XRCC1: variants seen among roughly 807,000 people sequenced by gnomAD.
The protein encoded by XRCC1 is DNA repair protein XRCC1.
Under a neutral mutation model 83.3 loss-of-function variants are expected in XRCC1, and 52 were observed. The ratio of observed to expected loss-of-function variants is 0.62; its 90% confidence interval spans 0.50 to 0.79. The LOEUF (loss-of-function observed/expected upper bound fraction) is 0.79. Ranked by LOEUF, XRCC1 falls within the 30% of genes least tolerant of loss-of-function variation. XRCC1 has a pLI of 0.00. For missense variants in XRCC1, 793 were observed against 823.5 expected, an observed-to-expected ratio of 0.96 and a Z score of 0.45; for synonymous variants, 281 against 312.6, an observed-to-expected ratio of 0.90 and a Z score of 1.07.
intron 8 of XRCC1, 92 bp downstream of exon 8, chr19:43,552,705 C>A: frequency 7.9e-7 from 1 of 1,262,370 alleles, no homozygotes. Flanking sequence ...AGCCCTTCCT[C>A]CCTCAGATTC....
chr19:43,552,377 C>T (rs1262886190), intron 8 of XRCC1, 102 bp from the exon 9 acceptor site: 47 of 875,530 alleles, frequency 5.4e-5, no homozygotes, highest in Non-Finnish European at 7.1e-5. Flanking sequence ...CCTCCTCCCT[C>T]AGACCCAGCA....
At chr19:43,567,206 T>C (rs1568518241) in intron 2 of XRCC1, among the ~76,000 whole-genome samples, 1 of 151,968 alleles carries the variant, frequency 6.6e-6, no homozygotes, top group South Asian at 2.1e-4. Context: ...GGTTTCTTTT[T>C]GGAGTGATGA....
At position 43,574,852 on chromosome 19, in the gene XRCC1, A is replaced by G. The variant is rs1972838282; in HGVS notation, c.144+58T>C. ...CCACTGCCAGTTGGCTCAGGAGCAG[A>G]ATCTGGAACCCCGGACTCCAGACTC... On this transcript the variant is annotated intron_variant, in intron 2 of 16. Coordinates refer to ENST00000262887, the MANE Select transcript of XRCC1 (RefSeq NM_006297.3). 1.0e-5 allele frequency: 15 copies of G among 1,452,326 alleles called. No homozygotes were observed. The South Asian group carries it at 1.1e-4, about 11-fold the overall frequency. 90.0% of individuals were successfully genotyped at this position (1,452,326 alleles called of 1,614,324 possible).
intron 2 of XRCC1, among the ~76,000 whole-genome samples, chr19:43,573,948 TA>T (rs1328460538): frequency 6.6e-6 from 1 of 152,134 alleles, no homozygotes; most frequent in Non-Finnish European, 1.5e-5. Context: ...TCCTCATCTG[TA>T]AAAGTGGGGA....
chr19:43,567,336 G>A (rs373620544), intron 2 of XRCC1, among the ~76,000 whole-genome samples: 5 of 150,644 alleles, frequency 3.3e-5, no homozygotes, highest in African/African-American at 9.8e-5. Context: ...TTGTTGAGAC[G>A]GAGTCTCACT....
intron 1 of XRCC1, 123 bp from the exon 2 acceptor site, chr19:43,575,125 T>G (rs750783611): frequency 1.4e-5 from 12 of 843,614 alleles, no homozygotes; most frequent in African/African-American, 3.4e-5. Context: ...GCTCTCCCGT[T>G]AATCCCCCGA....
intron 3 of XRCC1, among the ~76,000 whole-genome samples, chr19:43,558,621 C>T (rs1972663399): frequency 6.6e-6 from 1 of 150,696 alleles, no homozygotes; most frequent in Non-Finnish European, 1.5e-5. Context: ...AGAGTGAGAC[C>T]CCCATCTCAA....
At chr19:43,565,086 A>G (rs1478378199) in intron 2 of XRCC1, among the ~76,000 whole-genome samples, 1 of 151,972 alleles carries the variant, frequency 6.6e-6, no homozygotes, top group East Asian at 1.9e-4. Flanking sequence ...TTTCCCTTAT[A>G]AGGCCTCTGG....
intron 2 of XRCC1, among the ~76,000 whole-genome samples, chr19:43,561,718 G>A (rs1972701126): frequency 6.6e-6 from 1 of 152,242 alleles, no homozygotes; most frequent in Non-Finnish European, 1.5e-5. Flanking sequence ...TCATCTCAAA[G>A]GATCTGCCAT....
chr19:43,552,366 C>T, intron 8 of XRCC1, 91 bp from the exon 9 acceptor site: 1 of 976,388 alleles, frequency 1.0e-6, no homozygotes, highest in Admixed American at 2.3e-5. Context: ...AGGCCCCAGA[C>T]CCTCCTCCCT....
At chr19:43,547,432 C>G (rs76384439) in intron 10 of XRCC1, among the ~76,000 whole-genome samples, 1 of 151,548 alleles carries the variant, frequency 6.6e-6, no homozygotes, top group Non-Finnish European at 1.5e-5. Flanking sequence ...GCTCTGCCCC[C>G]GTCAGCCTCT....
At chr19:43,545,559 C>T (rs1972499830) in intron 14 of XRCC1, among the ~76,000 whole-genome samples, 2 of 152,160 alleles carry the variant, frequency 1.3e-5, no homozygotes, top group African/African-American at 2.4e-5. Flanking sequence ...AAGGAGGTCA[C>T]ACCTGGCACA....
chr19:43,573,702 A>G (rs1972826610), intron 2 of XRCC1, among the ~76,000 whole-genome samples: 1 of 151,484 alleles, frequency 6.6e-6, no homozygotes, highest in Non-Finnish European at 1.5e-5. Context: ...TGGAAACCCC[A>G]TCTCTAAAAA....
At chr19:43,564,711 C>CG (rs574995967) in intron 2 of XRCC1, among the ~76,000 whole-genome samples, 63 of 151,424 alleles carry the variant, frequency 4.2e-4, no homozygotes, top group South Asian at 2.3e-3. Context: ...TTGCTTAAAC[C>CG]GGGGGGGCGG....
intron 1 of XRCC1, 98 bp downstream of exon 1, chr19:43,575,310 C>A: frequency 7.6e-7 from 1 of 1,314,676 alleles, no homozygotes; most frequent in Non-Finnish European, 1.0e-6. Flanking sequence ...CCCCCCATGA[C>A]TCTCCTTAGA....
chr19:43,569,475 CAAA>C (rs34545606), intron 2 of XRCC1, among the ~76,000 whole-genome samples: 8 of 129,756 alleles, frequency 6.2e-5, no homozygotes, highest in Admixed American at 2.3e-4. Context: ...GACCCTGTCT[CAAA>C]AAAAAAAAAA....
At chr19:43,546,150 G>A (rs1307265642) in intron 12 of XRCC1, 44 bp from the exon 13 acceptor site, 2 of 1,608,204 alleles carry the variant, frequency 1.2e-6, no homozygotes, top group East Asian at 4.5e-5. Context: ...CTTGTCTCCT[G>A]GGAAGACTGG....
chr19:43,575,023 G>A (rs1568520504), intron 1 of XRCC1, 21 bp from the exon 2 acceptor site: 2 of 1,587,238 alleles, frequency 1.3e-6, no homozygotes, highest in Non-Finnish European at 8.7e-7. Flanking sequence ...CAGTGGGAGA[G>A]GAGAATTAGG....
chr19:43,559,118 C>G (rs1478375961), intron 3 of XRCC1, among the ~76,000 whole-genome samples: 13 of 145,576 alleles, frequency 8.9e-5, no homozygotes, highest in South Asian at 4.4e-4. Flanking sequence ...TCCAGCCTGG[C>G]CAACAGAGTG....
Sources: gnomAD v4.1 joint callset for allele counts (sites outside exome capture counted in the v4.1 genomes callset) on GRCh38, gnomAD v4.1.1 for gene constraint, MANE v1.5 for transcripts, NCBI Gene and HGNC (gene_info 2026-07-23, HGNC 2026-07-21) for gene names.